Variants in NAALADL2 observed in about 807,000 individuals in gnomAD.
NAALADL2 encodes the protein inactive N-acetylated-alpha-linked acidic dipeptidase-like protein 2.
Under a neutral mutation model 87.2 loss-of-function variants are expected in NAALADL2, and 76 were observed. The observed-to-expected ratio is 0.87, with a 90% CI of 0.72 to 1.05. NAALADL2 has a LOEUF of 1.05. NAALADL2 is among the 50% of genes least tolerant of loss of function. NAALADL2 has a pLI of 0.00. For missense variants in NAALADL2, 1,089 were observed against 945.8 expected (o/e 1.15, Z -1.99); for synonymous variants, 354 against 331.0 (o/e 1.07, Z -0.75).
rs550889500 is a variant in NAALADL2, at chr3:175,648,028, T to C, written c.1896+20642T>C. Among the ~76,000 whole-genome samples the C allele has an allele frequency of 5.9e-5, 9 of 152,348 alleles. No homozygotes were observed. In the South Asian group the frequency reaches 1.9e-3, roughly 32 times the overall value. On this transcript the variant is annotated intron_variant, in intron 11 of 13. Transcript: ENST00000454872. Reference sequence around the variant, plus strand: ...AGTGGTGAGCAGTAAAGCCATGTTTTGTCTTTCCATTCTGTCTCGTGCCAG... The same window carrying C: ...AGTGGTGAGCAGTAAAGCCATGTTTCGTCTTTCCATTCTGTCTCGTGCCAG...
intron 2 of NAALADL2, among the ~76,000 whole-genome samples, chr3:174,618,251 T>G (rs1433004187): frequency 6.6e-6 from 1 of 151,760 alleles, no homozygotes; most frequent in African/African-American, 2.4e-5. Context: ...GTTCCATAAA[T>G]TGCTTGTCCA....
At chr3:175,550,842 A>G (rs1389740270) in intron 9 of NAALADL2, among the ~76,000 whole-genome samples, 1 of 152,222 alleles carries the variant, frequency 6.6e-6, no homozygotes, top group Non-Finnish European at 1.5e-5. Context: ...TTTGAGGGAA[A>G]ACTCACATAT....
At chr3:175,558,174 A>G (rs12489782) in intron 9 of NAALADL2, among the ~76,000 whole-genome samples, 20,352 of 139,816 alleles carry the variant, frequency 0.15, 1,542 homozygotes, top group Middle Eastern at 0.19. Context: ...CAACCTGGGC[A>G]ACACAGCAAG....
intron 1 of NAALADL2, among the ~76,000 whole-genome samples, chr3:174,503,249 A>G (rs1248379798): frequency 6.6e-6 from 1 of 152,156 alleles, no homozygotes; most frequent in Non-Finnish European, 1.5e-5. Context: ...TGAGTACTCT[A>G]ATGTAGAAAA....
At chr3:175,758,747 T>C (rs1351613485) in intron 13 of NAALADL2, among the ~76,000 whole-genome samples, 1 of 152,116 alleles carries the variant, frequency 6.6e-6, no homozygotes, top group Non-Finnish European at 1.5e-5. Context: ...AAAATAAAAT[T>C]GTTAATTACA....
intron 1 of NAALADL2, among the ~76,000 whole-genome samples, chr3:174,906,748 C>G (rs1354060849): frequency 6.6e-6 from 1 of 152,072 alleles, no homozygotes; most frequent in African/African-American, 2.4e-5. Context: ...ATACCAACCC[C>G]CAATTTCTAA....
chr3:174,980,170 G>T (rs74922811), intron 1 of NAALADL2, among the ~76,000 whole-genome samples: 19 of 152,088 alleles, frequency 1.2e-4, no homozygotes, highest in African/African-American at 4.6e-4. Context: ...CACATATTAC[G>T]CCATGTTATA....
intron 1 of NAALADL2, among the ~76,000 whole-genome samples, chr3:174,988,248 G>A (rs953217788): frequency 1.1e-4 from 16 of 152,138 alleles, no homozygotes; most frequent in Non-Finnish European, 1.5e-5. Context: ...CTATTTTACA[G>A]TTGAAGTAAC....
At chr3:175,186,572 T>C (rs1415766136) in intron 2 of NAALADL2, among the ~76,000 whole-genome samples, 1 of 152,102 alleles carries the variant, frequency 6.6e-6, no homozygotes, top group African/African-American at 2.4e-5. Flanking sequence ...GATAAAGAGA[T>C]TTACACCTAA....
chr3:175,090,964 C>T (rs926479607), intron 1 of NAALADL2, among the ~76,000 whole-genome samples: 3 of 104,078 alleles, frequency 2.9e-5, no homozygotes, highest in African/African-American at 1.2e-4. Flanking sequence ...TTCACTAAAA[C>T]CACAAATGGA....
chr3:174,982,276 A>G (rs1028345245), intron 1 of NAALADL2, among the ~76,000 whole-genome samples: 5 of 152,170 alleles, frequency 3.3e-5, no homozygotes, highest in African/African-American at 9.7e-5. Flanking sequence ...CTTGTGCTAG[A>G]TAGTTGGGAA....
Position 174,707,246 on chromosome 3 carries a change from G to A in NAALADL2, c.-114-30395G>A, listed in dbSNP as rs371147007. Reference sequence around the variant, plus strand: ...GTGGAAGACAGTGTGGCGATTCCTCGGGGATCTAGAACTAGAAATACCATT... The same window carrying A: ...GTGGAAGACAGTGTGGCGATTCCTCAGGGATCTAGAACTAGAAATACCATT... On this transcript the variant is annotated intron_variant, in intron 2 of 3. Transcript: ENST00000434257. Among the ~76,000 whole-genome samples the A allele has an allele frequency of 7.4e-4, 109 of 147,374 alleles. 1 individual carries two copies. Among genetic ancestry groups the A allele is most frequent in the East Asian group, 1.6e-3 (8 of 4,864 alleles).
At chr3:175,005,321 G>A (rs966970616) in intron 1 of NAALADL2, among the ~76,000 whole-genome samples, 1 of 152,164 alleles carries the variant, frequency 6.6e-6, no homozygotes, top group Non-Finnish European at 1.5e-5. Flanking sequence ...TTCAGGTCCA[G>A]TGCAAACAGC....
intron 5 of NAALADL2, among the ~76,000 whole-genome samples, chr3:175,428,038 C>T (rs1717114109): frequency 6.6e-6 from 1 of 152,006 alleles, no homozygotes; most frequent in Non-Finnish European, 1.5e-5. Context: ...ACATAAATGG[C>T]ACTAATCTAA....
intron 5 of NAALADL2, among the ~76,000 whole-genome samples, chr3:175,423,521 G>A (rs951558143): frequency 1.3e-5 from 2 of 150,696 alleles, no homozygotes; most frequent in African/African-American, 4.9e-5. Context: ...GCGGTATTTG[G>A]TTTTTTGTCC....
chr3:175,076,720 G>T (rs1716667245), intron 1 of NAALADL2, among the ~76,000 whole-genome samples: 1 of 152,044 alleles, frequency 6.6e-6, no homozygotes, highest in Admixed American at 6.6e-5. Flanking sequence ...TTGTAAGTTG[G>T]AATGTAGTCC....
intron 1 of NAALADL2, among the ~76,000 whole-genome samples, chr3:175,008,893 A>G: frequency 6.6e-6 from 1 of 152,324 alleles, no homozygotes; most frequent in African/African-American, 2.4e-5. Flanking sequence ...TAAGATGCAA[A>G]GGAAAGGTTG....
In NAALADL2 at chr3:174,965,386, C is replaced by A. The variant is rs181688598; in HGVS notation, c.43+105936C>A. Among the ~76,000 whole-genome samples the A allele has an allele frequency of 5.3e-5, 8 of 151,960 alleles. No individual in the cohort carries two copies. In the East Asian group the frequency reaches 1.4e-3, roughly 26 times the overall value. ...ACTGTCACTTCTGTCCTATTCTATT[C>A]GTTAACATTATGTCACTAAGGCGAT... On this transcript the variant is annotated intron_variant, in intron 1 of 13. Transcript: ENST00000454872.
intron 1 of NAALADL2, among the ~76,000 whole-genome samples, chr3:174,962,669 TA>T (rs1742289486): frequency 6.6e-6 from 1 of 151,904 alleles, no homozygotes; most frequent in African/African-American, 2.4e-5. Flanking sequence ...TTCTGTCTGT[TA>T]AACTGGGAGC....
Sources: gnomAD v4.1 joint callset for allele counts (sites outside exome capture counted in the v4.1 genomes callset) on GRCh38, gnomAD v4.1.1 for gene constraint, MANE v1.5 for transcripts, NCBI Gene and HGNC (gene_info 2026-07-23, HGNC 2026-07-21) for gene names.